Variants in ACACA observed in about 807,000 individuals in gnomAD.
The protein encoded by ACACA is acetyl-CoA carboxylase alpha, also known as acetyl-CoA carboxylase 1.
ACACA carries 103 observed loss-of-function variants against 296.1 expected under a neutral mutation model. That is an observed-to-expected ratio of 0.35 (90% CI 0.30 to 0.41). The LOEUF is 0.41. Among genes scored for constraint, ACACA ranks in the 10% least tolerant of loss-of-function variants. ACACA has a pLI of 1.00. For missense variants in ACACA, 1,554 were observed against 2,989.7 expected, an observed-to-expected ratio of 0.52 and a Z score of 11.20; for synonymous variants, 953 against 1,038.6, an observed-to-expected ratio of 0.92 and a Z score of 1.58.
intron 1 of ACACA, among the ~76,000 whole-genome samples, chr17:37,378,484 A>C (rs1314431823): frequency 1.3e-5 from 2 of 150,172 alleles, no homozygotes; most frequent in Non-Finnish European, 3.0e-5. Flanking sequence ...AGGCCAAGGC[A>C]GGTGGATCAC....
intron 40 of ACACA, among the ~76,000 whole-genome samples, chr17:37,180,847 T>C (rs1341627827): frequency 6.6e-6 from 1 of 152,176 alleles, no homozygotes; most frequent in East Asian, 1.9e-4. Flanking sequence ...AACTAAAGTA[T>C]CAGATCTCCT....
chr17:37,325,187 G>A (rs1339974694), intron 3 of ACACA, among the ~76,000 whole-genome samples: 8 of 148,090 alleles, frequency 5.4e-5, no homozygotes, highest in African/African-American at 1.0e-4. Flanking sequence ...GGGACAGAGC[G>A]AGACTCCCTC....
At chr17:37,234,616 G>C (rs1369632051) in intron 25 of ACACA, among the ~76,000 whole-genome samples, 8 of 151,822 alleles carry the variant, frequency 5.3e-5, no homozygotes, top group Non-Finnish European at 1.2e-4. Context: ...TTGTATCTAT[G>C]GAACAAGAGT....
At chr17:37,385,782 TGTTA>T (rs1295906945) in intron 1 of ACACA, among the ~76,000 whole-genome samples, 4 of 152,148 alleles carry the variant, frequency 2.6e-5, no homozygotes, top group Admixed American at 6.6e-5. Flanking sequence ...TTTGATCCTA[TGTTA>T]GTTAAAAGTC....
chr17:37,090,181 C>T (rs1379269984), intron 54 of ACACA, among the ~76,000 whole-genome samples: 1 of 152,154 alleles, frequency 6.6e-6, no homozygotes, highest in African/African-American at 2.4e-5. Flanking sequence ...GAGGAAATGT[C>T]TTCATCACAA....
At chr17:37,387,788 A>G in intron 1 of ACACA, 1 of 152,166 alleles carries the variant, frequency 6.6e-6, no homozygotes, top group East Asian at 1.9e-4. Context: ...TAAATTGGCC[A>G]GGACTAAAAT....
intron 21 of ACACA, 58 bp downstream of exon 21, chr17:37,244,530 A>G (rs919839106): frequency 5.0e-6 from 8 of 1,594,194 alleles, no homozygotes; most frequent in Admixed American, 3.3e-5. Flanking sequence ...ACTTGGAACT[A>G]TTTTGGAGAA....
At chr17:37,393,677 A>G (rs560395585) in intron 1 of ACACA, among the ~76,000 whole-genome samples, 8 of 152,210 alleles carry the variant, frequency 5.3e-5, no homozygotes, top group African/African-American at 1.7e-4. Flanking sequence ...ACCCGTCTCT[A>G]CTAAAAATAC....
intron 10 of ACACA, among the ~76,000 whole-genome samples, chr17:37,264,293 T>C (rs868253183): frequency 6.6e-6 from 1 of 152,260 alleles, no homozygotes; most frequent in African/African-American, 2.4e-5. Flanking sequence ...ATATATGGTA[T>C]TGTTGCAGCC....
chr17:37,120,144 C>T (rs1405717749), intron 50 of ACACA, among the ~76,000 whole-genome samples: 4 of 152,018 alleles, frequency 2.6e-5, no homozygotes, highest in Non-Finnish European at 4.4e-5. Flanking sequence ...CCACCCACCT[C>T]GGCCTCCCAA....
chr17:37,236,259 A>G (rs565906162), intron 24 of ACACA, among the ~76,000 whole-genome samples: 3 of 152,336 alleles, frequency 2.0e-5, no homozygotes, highest in East Asian at 1.9e-4. Context: ...ATGGACTACA[A>G]TATCGAGAGA....
intron 4 of ACACA, among the ~76,000 whole-genome samples, chr17:37,283,786 CTT>C (rs1015664820): frequency 2.0e-5 from 3 of 152,196 alleles, no homozygotes; most frequent in African/African-American, 7.2e-5. Flanking sequence ...GCCATGCACT[CTT>C]CTCTGTTGCA....
At chr17:37,156,209 A>G (rs1347149994) in intron 42 of ACACA, among the ~76,000 whole-genome samples, 1 of 151,244 alleles carries the variant, frequency 6.6e-6, no homozygotes, top group Non-Finnish European at 1.5e-5. Flanking sequence ...GACTACAGGC[A>G]CCCACCACCT....
At position 37,216,451 on chromosome 17, in the gene ACACA, A is replaced by G. The variant is rs571972176; in HGVS notation, c.3683+5273T>C. On this transcript the variant is annotated intron_variant, in intron 29 of 55. Transcript: ENST00000616317. ...TAGAAGATCAAAAAGGAGATAATAT[A>G]CCTCGACTGATGCACACCTAGCAAG... Among the ~76,000 whole-genome samples the G allele has an allele frequency of 1.6e-4, 24 of 152,136 alleles. No individual in the cohort carries two copies. The South Asian group carries it at 5.0e-3, about 32-fold the overall frequency.
At position 37,378,210 on chromosome 17, in the gene ACACA, C is replaced by T. The variant is rs149463258; in HGVS notation, c.38+28052G>A. On this transcript the variant is annotated intron_variant, in intron 1 of 55. Coordinates refer to ENST00000616317, the MANE Select transcript of ACACA (RefSeq NM_198834.3). The stretch of plus-strand genomic sequence containing the variant: ...AGGAGGCAGAACCTACCCCTCTCTG[C>T]ATTAAAGAAAAATCTATGAGCATTT... Among the ~76,000 whole-genome samples, 18 of 152,330 alleles carry T rather than the reference C, an allele frequency of 1.2e-4. No individual in the cohort carries two copies. In the East Asian group the frequency reaches 2.7e-3, roughly 23 times the overall value.
intron 1 of ACACA, among the ~76,000 whole-genome samples, chr17:37,393,113 T>C (rs1214331892): frequency 1.4e-5 from 2 of 142,046 alleles, no homozygotes; most frequent in Admixed American, 1.5e-4. Flanking sequence ...CATTGCACTC[T>C]AGCCTGAGTG....
At chr17:37,257,918 G>T (rs776397198) in intron 13 of ACACA, 52 bp from the exon 14 acceptor site, 2 of 1,590,974 alleles carry the variant, frequency 1.3e-6, no homozygotes, top group African/African-American at 1.3e-5. Context: ...AGGAAGAGAA[G>T]ATTTATATAT....
At chr17:37,291,742 A>G (rs891607525) in intron 3 of ACACA, among the ~76,000 whole-genome samples, 2 of 152,160 alleles carry the variant, frequency 1.3e-5, no homozygotes, top group Non-Finnish European at 2.9e-5. Context: ...TACAAATCTC[A>G]ATTCTCTCAA....
intron 3 of ACACA, among the ~76,000 whole-genome samples, chr17:37,313,160 AG>A (rs778482334): frequency 4.3e-4 from 65 of 152,232 alleles, no homozygotes; most frequent in Admixed American, 3.3e-3. Context: ...GGGTTGCAGG[AG>A]GGAGAGCATC....
Sources: allele counts gnomAD v4.1 joint callset (sites outside exome capture counted in the v4.1 genomes callset), GRCh38; gene constraint gnomAD v4.1.1; transcripts MANE v1.5; gene names NCBI Gene and HGNC (gene_info 2026-07-23, HGNC 2026-07-21).